The following YAP1 variants were observed in gnomAD, a reference collection of about 807,000 sequenced individuals.
YAP1 encodes the protein transcriptional coactivator YAP1.
YAP1 carries 5 observed loss-of-function variants against 56.9 expected under a neutral mutation model. The observed-to-expected ratio is 0.09, with a 90% CI of 0.05 to 0.18. The LOEUF (loss-of-function observed/expected upper bound fraction) is 0.18, where lower values mean the gene tolerates loss of function less well. Ranked by LOEUF, YAP1 falls within the 10% of genes least tolerant of loss-of-function variation. The pLI is 1.00. For synonymous variants in YAP1, 265 were observed against 248.1 expected (o/e 1.07, Z -0.64); for missense variants, 539 against 651.8 (o/e 0.83, Z 1.88).
intron 2 of YAP1, among the ~76,000 whole-genome samples, chr11:102,131,778 A>G (rs1015232878): frequency 2.0e-5 from 3 of 152,216 alleles, no homozygotes; most frequent in African/African-American, 7.2e-5. Context: ...AACAGGAACT[A>G]TTAAAAAAGG....
In YAP1 at chr11:102,186,015, T is replaced by C. The variant is rs780991277; in HGVS notation, c.689-3T>C. On this transcript the variant is annotated splice_polypyrimidine_tract_variant and splice_region_variant and intron_variant, in intron 3 of 8. Coordinates refer to ENST00000282441, the MANE Select transcript of YAP1 (RefSeq NM_001130145.3). The stretch of plus-strand genomic sequence containing the variant: ...GATTTTTTTTTTTTTTTCTGTATTA[T>C]AGGTCCTCTTCCTGATGGATGGGAA... 1.3e-5 allele frequency: 20 copies of C among 1,581,388 alleles called. No individual in the cohort carries two copies. Among genetic ancestry groups the C allele is most frequent in the South Asian group, 2.4e-5 (2 of 84,760 alleles).
In YAP1 at chr11:102,233,016, G is replaced by A. The variant is rs142880971; in HGVS notation, c.*3076G>A. On this transcript the variant is annotated 3_prime_UTR_variant, in exon 9 of 9. Transcript: ENST00000282441. Reference sequence around the variant, plus strand: ...TAACAGTAATTAATTGTGTAATTCAGAATTCATACCAATCAGTGTTGAAAC... The same window carrying A: ...TAACAGTAATTAATTGTGTAATTCAAAATTCATACCAATCAGTGTTGAAAC... The A allele has an allele frequency of 1.3e-5, 2 of 152,316 alleles. No individual in the cohort carries two copies. Among genetic ancestry groups the A allele is most frequent in the African/African-American group, 2.4e-5 (1 of 41,574 alleles). 9.4% of individuals were successfully genotyped at this position (152,316 alleles called of 1,614,324 possible).
chr11:102,216,269 ATAGGAAAC>A (rs1949661112), intron 6 of YAP1, among the ~76,000 whole-genome samples: 1 of 152,222 alleles, frequency 6.6e-6, no homozygotes, highest in Non-Finnish European at 1.5e-5. Context: ...TGAAGTTACC[ATAGGAAAC>A]TAAGAATTTT....
intron 3 of YAP1, among the ~76,000 whole-genome samples, chr11:102,163,664 T>C (rs1416912119): frequency 6.6e-6 from 1 of 152,198 alleles, no homozygotes; most frequent in Non-Finnish European, 1.5e-5. Context: ...GCATATTTAG[T>C]AGCTACACAG....
chr11:102,143,670 T>G (rs1255878837), intron 2 of YAP1, among the ~76,000 whole-genome samples: 1 of 152,156 alleles, frequency 6.6e-6, no homozygotes, highest in Non-Finnish European at 1.5e-5. Flanking sequence ...GCAGAACACA[T>G]AGTGTAGGCA....
rs1591252483 is a variant in YAP1, at chr11:102,153,951, A to G, written c.573-8505A>G. ...GATCCAGCCTGCTAGCATGGGTCTC[A>G]TAGATTGAGGCAGTCTCTAAGTGAT... On this transcript the variant is annotated intron_variant, in intron 2 of 8. Coordinates refer to ENST00000282441, the MANE Select transcript of YAP1 (RefSeq NM_001130145.3). 2.6e-5 allele frequency among the ~76,000 whole-genome samples: 4 copies of G among 152,222 alleles called. No homozygotes were observed. The Middle Eastern group carries it at 0.014, about 518-fold the overall frequency.
In YAP1 at chr11:102,110,534, A is replaced by C; in HGVS notation, c.-315A>C. The C allele has an allele frequency of 1.1e-5, 2 of 183,668 alleles. No individual in the cohort carries two copies. Among genetic ancestry groups the C allele is most frequent in the Non-Finnish European group, 1.1e-5 (1 of 88,966 alleles). 11.4% of individuals were successfully genotyped at this position (183,668 alleles called of 1,614,324 possible). A position where few individuals can be genotyped will look rare whatever the true frequency, so the allele number is the denominator to read the frequency against. ...AATAAAGAGAAAGGGGAGGCGGGGA[A>C]AGGCAACGAGCTGTCCGGCCTCCGT... On this transcript the variant is annotated 5_prime_UTR_variant, in exon 1 of 9. Coordinates refer to ENST00000282441, the MANE Select transcript of YAP1 (RefSeq NM_001130145.3).
chr11:102,215,573 C>T (rs1294568266), intron 6 of YAP1, among the ~76,000 whole-genome samples: 1 of 152,138 alleles, frequency 6.6e-6, no homozygotes, highest in African/African-American at 2.4e-5. Flanking sequence ...CTCGTGGGTT[C>T]CAAGAGCTTC....
At chr11:102,137,362 A>G (rs1414167820) in intron 2 of YAP1, among the ~76,000 whole-genome samples, 1 of 152,232 alleles carries the variant, frequency 6.6e-6, no homozygotes, top group Non-Finnish European at 1.5e-5. Context: ...GAATTAATAT[A>G]CTACATCTCT....
intron 2 of YAP1, among the ~76,000 whole-genome samples, chr11:102,115,893 C>T (rs1483344997): frequency 2.0e-5 from 3 of 152,178 alleles, no homozygotes; most frequent in Admixed American, 6.5e-5. Context: ...CACATGCTGA[C>T]CTGGGGAGAT....
At chr11:102,226,700 A>T (rs1294789800) in intron 7 of YAP1, among the ~76,000 whole-genome samples, 1 of 152,154 alleles carries the variant, frequency 6.6e-6, no homozygotes, top group Non-Finnish European at 1.5e-5. Flanking sequence ...TAAAGTGAAA[A>T]TCTGTGTTGG....
chr11:102,133,009 T>C (rs1392919917), intron 2 of YAP1, among the ~76,000 whole-genome samples: 2 of 151,872 alleles, frequency 1.3e-5, no homozygotes, highest in African/African-American at 4.8e-5. Context: ...AATACAAAAA[T>C]TATCTGGGAG....
intron 2 of YAP1, among the ~76,000 whole-genome samples, chr11:102,125,190 G>C (rs552871384): frequency 1.8e-4 from 27 of 151,430 alleles, no homozygotes; most frequent in Middle Eastern, 3.4e-3. Flanking sequence ...TAATTTTTGT[G>C]TGTGTATGTT....
rs536377381 is a variant in YAP1 at position 102,148,979 on chromosome 11, G to T, written c.573-13477G>T. On this transcript the variant is annotated intron_variant, in intron 2 of 8. Transcript: ENST00000282441. ...TTCCACTAGCTGCAAATGATAGATA[G>T]AGCCTATTAAAATATTACTTTTTTA... Among the ~76,000 whole-genome samples the T allele has an allele frequency of 1.3e-4, 20 of 152,238 alleles. No homozygotes were observed. In the East Asian group the frequency reaches 3.9e-3, roughly 29 times the overall value.
intron 2 of YAP1, among the ~76,000 whole-genome samples, chr11:102,160,624 A>G (rs1006116234): frequency 7.9e-5 from 12 of 152,236 alleles, no homozygotes; most frequent in African/African-American, 2.9e-4. Flanking sequence ...GAGACCAGTA[A>G]GATGGAGTGA....
At chr11:102,166,663 C>T (rs1334585719) in intron 3 of YAP1, among the ~76,000 whole-genome samples, 1 of 152,220 alleles carries the variant, frequency 6.6e-6, no homozygotes, top group Non-Finnish European at 1.5e-5. Context: ...CCGAAGCCTT[C>T]ACATAAAAGA....
chr11:102,177,298 G>A (rs1947318339), intron 3 of YAP1, among the ~76,000 whole-genome samples: 1 of 152,092 alleles, frequency 6.6e-6, no homozygotes, highest in Non-Finnish European at 1.5e-5. Flanking sequence ...TTTCCTTTAG[G>A]GAGCTGAGCC....
intron 2 of YAP1, among the ~76,000 whole-genome samples, chr11:102,145,537 T>C (rs1319645945): frequency 1.3e-5 from 2 of 152,172 alleles, no homozygotes; most frequent in African/African-American, 4.8e-5. Flanking sequence ...CTATAATAAT[T>C]GTATCATCTA....
At chr11:102,223,207 C>A (rs1950030829) in intron 6 of YAP1, among the ~76,000 whole-genome samples, 1 of 148,852 alleles carries the variant, frequency 6.7e-6, no homozygotes, top group Non-Finnish European at 1.5e-5. Flanking sequence ...AAGATTGCAC[C>A]ACTGCACTCC....
Sources: gnomAD v4.1 joint callset for allele counts (sites outside exome capture counted in the v4.1 genomes callset) on GRCh38, gnomAD v4.1.1 for gene constraint, MANE v1.5 for transcripts, NCBI Gene and HGNC (gene_info 2026-07-23, HGNC 2026-07-21) for gene names.